Variants in PCDH15 observed in about 807,000 individuals in gnomAD.
PCDH15 encodes protocadherin-15.
PCDH15 carries 129 observed loss-of-function variants against 178.5 expected under a neutral mutation model. The ratio of observed to expected loss-of-function variants is 0.72; its 90% CI spans 0.63 to 0.84. The LOEUF (loss-of-function observed/expected upper bound fraction) is 0.84, where lower values mean the gene tolerates loss of function less well. Ranked by LOEUF, PCDH15 falls within the 40% of genes least tolerant of loss-of-function variation. The probability of loss-of-function intolerance (pLI) is 0.00; values close to 1 mark genes in which losing one functional copy is unlikely to be tolerated. For synonymous variants in PCDH15, 800 were observed against 732.0 expected (o/e 1.09, Z -1.50); for missense variants, 2,230 against 2,099.9 (o/e 1.06, Z -1.21).
intron 2 of PCDH15, among the ~76,000 whole-genome samples, chr10:55,536,056 T>C (rs573117271): frequency 1.3e-5 from 2 of 152,194 alleles, no homozygotes; most frequent in African/African-American, 4.8e-5. Context: ...ACATGGTATA[T>C]AGCATCTATA....
chr10:55,140,945 C>A (rs1023371705), intron 2 of PCDH15, among the ~76,000 whole-genome samples: 4 of 151,950 alleles, frequency 2.6e-5, no homozygotes, highest in African/African-American at 9.7e-5. Flanking sequence ...TACTCTTTTT[C>A]ATTCCTGATA....
chr10:55,013,199 C>T (rs1213957997), intron 2 of PCDH15, among the ~76,000 whole-genome samples: 3 of 152,136 alleles, frequency 2.0e-5, no homozygotes, highest in Admixed American at 2.0e-4. Context: ...CATTTCCCAT[C>T]TGGATGTGGC....
intron 2 of PCDH15, among the ~76,000 whole-genome samples, chr10:55,582,615 TATATATATA>T (rs1341598807): frequency 1.2e-4 from 12 of 96,596 alleles, no homozygotes; most frequent in African/African-American, 3.0e-4. Flanking sequence ...TATATATATA[TATATATATA>T]TATATTTTTT....
intron 2 of PCDH15, among the ~76,000 whole-genome samples, chr10:54,932,898 C>T (rs749945462): frequency 1.3e-5 from 2 of 152,076 alleles, no homozygotes; most frequent in Non-Finnish European, 2.9e-5. Context: ...TCACTCATCA[C>T]TCACTCACTC....
rs952581249 is a variant in PCDH15, at chr10:54,571,283, C to A, written c.92-43406G>T. On this transcript the variant is annotated intron_variant, in intron 2 of 37. Coordinates refer to ENST00000644397, the MANE Select transcript of PCDH15 (RefSeq NM_001384140.1). ...TCTTGGCAAATGAGAAGATACCAGT[C>A]CCACCCTCTTGCTCTGAGGTGCTGA... Among the ~76,000 whole-genome samples the A allele has an allele frequency of 4.7e-5, 7 of 147,762 alleles. No homozygotes were observed. The South Asian group carries it at 1.5e-3, about 31-fold the overall frequency.
At chr10:54,582,919 A>C (rs995894812) in intron 2 of PCDH15, among the ~76,000 whole-genome samples, 4 of 152,168 alleles carry the variant, frequency 2.6e-5, no homozygotes, top group Non-Finnish European at 5.9e-5. Context: ...TATTTGATCT[A>C]AAGAAAGGAA....
At chr10:54,412,531 A>G (rs1953693653) in intron 3 of PCDH15, among the ~76,000 whole-genome samples, 1 of 152,138 alleles carries the variant, frequency 6.6e-6, no homozygotes, top group Admixed American at 6.6e-5. Context: ...CACCGAAGTT[A>G]GTTGTGATAG....
chr10:55,180,551 G>T (rs1036685487), intron 1 of PCDH15, among the ~76,000 whole-genome samples: 9 of 152,020 alleles, frequency 5.9e-5, no homozygotes, highest in Non-Finnish European at 1.3e-4. Context: ...TATGAATCAG[G>T]CATTGTCCTG....
At chr10:54,447,978 C>T (rs780039513) in intron 3 of PCDH15, among the ~76,000 whole-genome samples, 1 of 151,482 alleles carries the variant, frequency 6.6e-6, no homozygotes, top group Non-Finnish European at 1.5e-5. Context: ...ACAGATATCC[C>T]ATATGTTATA....
chr10:54,425,772 G>A (rs1448764503), intron 3 of PCDH15, among the ~76,000 whole-genome samples: 10 of 152,122 alleles, frequency 6.6e-5, no homozygotes, highest in Non-Finnish European at 1.3e-4. Flanking sequence ...TCTGGTTACA[G>A]CTCAGTAACA....
intron 2 of PCDH15, among the ~76,000 whole-genome samples, chr10:55,470,764 T>G (rs1160074517): frequency 6.6e-6 from 1 of 152,112 alleles, no homozygotes; most frequent in African/African-American, 2.4e-5. Context: ...AATCAGACTA[T>G]CATACAAAGT....
chr10:55,174,048 T>G (rs1839413902), intron 1 of PCDH15, among the ~76,000 whole-genome samples: 1 of 152,338 alleles, frequency 6.6e-6, no homozygotes, highest in Non-Finnish European at 1.5e-5. Context: ...AGTAGATCTT[T>G]GCTATAAAAG....
In PCDH15 at chr10:53,834,089, T is replaced by C. The variant is rs2077164623; in HGVS notation, c.3984-2556A>G. 2.0e-5 allele frequency among the ~76,000 whole-genome samples: 3 copies of C among 152,288 alleles called. No homozygotes were observed. The Middle Eastern group carries it at 0.01, about 518-fold the overall frequency. ...GTCAATATCTTATTGTATTGTACCA[T>C]TGGTAACTGAAACTGAAGAAAGCAA... On this transcript the variant is annotated intron_variant, in intron 29 of 37. Transcript: ENST00000644397.
At chr10:55,319,269 G>C (rs972114899) in intron 1 of PCDH15, among the ~76,000 whole-genome samples, 14 of 151,976 alleles carry the variant, frequency 9.2e-5, no homozygotes, top group African/African-American at 2.9e-4. Context: ...TTGGGTACTG[G>C]AATTATAAAA....
intron 25 of PCDH15, among the ~76,000 whole-genome samples, chr10:53,923,485 C>T (rs1265104609): frequency 6.6e-6 from 1 of 152,128 alleles, no homozygotes; most frequent in Non-Finnish European, 1.5e-5. Context: ...TGCATTGAAG[C>T]AATGTGTACA....
At chr10:54,250,077 C>CTATTTTTTT (rs1412806029) in intron 8 of PCDH15, among the ~76,000 whole-genome samples, 3,673 of 137,748 alleles carry the variant, frequency 0.027, 201 homozygotes, top group African/African-American at 0.091. Context: ...CCACATCCGG[C>CTATTTTTTT]TTTTTTTTTT....
At chr10:55,582,541 C>G (rs916698320) in intron 2 of PCDH15, among the ~76,000 whole-genome samples, 1 of 145,758 alleles carries the variant, frequency 6.9e-6, no homozygotes, top group Admixed American at 6.9e-5. Context: ...AAATATCTCC[C>G]TAAAAAAATA....
At chr10:54,420,890 G>A (rs1031207456) in intron 3 of PCDH15, among the ~76,000 whole-genome samples, 1 of 151,888 alleles carries the variant, frequency 6.6e-6, no homozygotes, top group Admixed American at 6.6e-5. Flanking sequence ...CCACCAGTGG[G>A]GCATGAGTAG....
intron 2 of PCDH15, among the ~76,000 whole-genome samples, chr10:55,024,451 A>ATC: frequency 1.0e-5 from 1 of 96,796 alleles, no homozygotes; most frequent in Non-Finnish European, 2.3e-5. Context: ...TATTATATAT[A>ATC]TATACACACA....
Sources: allele counts gnomAD v4.1 joint callset (sites outside exome capture counted in the v4.1 genomes callset), GRCh38; gene constraint gnomAD v4.1.1; transcripts MANE v1.5; gene names NCBI Gene and HGNC (gene_info 2026-07-23, HGNC 2026-07-21).